Variants in MLYCD observed in about 807,000 individuals in gnomAD.
MLYCD encodes malonyl-CoA decarboxylase, mitochondrial.
A neutral mutation model predicts 35.8 loss-of-function variants in MLYCD; 27 were observed. That is an observed-to-expected ratio of 0.75 (90% CI 0.56 to 1.04). The LOEUF (loss-of-function observed/expected upper bound fraction) is 1.04. Among genes scored for constraint, MLYCD ranks in the 50% least tolerant of loss-of-function variants. The probability of loss-of-function intolerance (pLI) is 0.00; values close to 1 mark genes in which losing one functional copy is unlikely to be tolerated. For synonymous variants in MLYCD, 403 were observed against 302.4 expected, an observed-to-expected ratio of 1.33 and a Z score of -3.45; for missense variants, 917 against 665.1, an observed-to-expected ratio of 1.38 and a Z score of -4.17.
chr16:83,925,976 C>G lies in MLYCD; in HGVS notation c.*10487C>G, dbSNP rs1011551791. 4 of 152,316 alleles carry G rather than the reference C, an allele frequency of 2.6e-5. No individual in the cohort carries two copies. The highest frequency in any genetic ancestry group is 5.9e-5 in the Non-Finnish European group (4 of 68,088). 9.4% of individuals were successfully genotyped at this position (152,316 alleles called of 1,614,324 possible). A position where few individuals can be genotyped will look rare whatever the true frequency, so the allele number is the denominator to read the frequency against. On this transcript the variant is annotated 3_prime_UTR_variant, in exon 5 of 5. Coordinates refer to ENST00000262430, the MANE Select transcript of MLYCD (RefSeq NM_012213.3). ...TAGACGCTCTCTGAGGGCAGGGACC[C>G]TGCTTCGCTTCTGGCCCGAGGTGGC...
chr16:83,912,829 A>C (rs1326868165), intron 4 of MLYCD: 3 of 271,248 alleles, frequency 1.1e-5, no homozygotes, highest in African/African-American at 4.4e-5. Flanking sequence ...GGGCCTTCTC[A>C]TGGCCTGTGA....
Position 83,921,792 on chromosome 16 carries a change from C to G in MLYCD, c.*6303C>G, listed in dbSNP as rs1907663868. On this transcript the variant is annotated 3_prime_UTR_variant, in exon 5 of 5. Transcript: ENST00000262430. ...ACCCATTCTTACACATGTCATCTTT[C>G]CCACAGTGGCAGTGCAGAGGAGACA... is the stretch of plus-strand genomic sequence containing the variant. 1 of 140,464 alleles carries G rather than the reference C, an allele frequency of 7.1e-6. No homozygotes were observed. Among genetic ancestry groups the G allele is most frequent in the African/African-American group, 2.5e-5 (1 of 40,380 alleles). 8.7% of individuals were successfully genotyped at this position (140,464 alleles called of 1,614,324 possible).
In MLYCD at chr16:83,912,470, G is replaced by C. The variant is rs534132819; in HGVS notation, c.948+103G>C. 45 of 1,481,136 alleles carry C rather than the reference G, an allele frequency of 3.0e-5. No individual in the cohort carries two copies. In the African/African-American group the frequency reaches 6.1e-4, roughly 20 times the overall value. The allele number at this position is 1,481,136 out of a possible 1,614,324, so 91.7% of individuals were successfully genotyped here. On this transcript the variant is annotated intron_variant, in intron 4 of 4. Coordinates refer to ENST00000262430, the MANE Select transcript of MLYCD (RefSeq NM_012213.3). Reference sequence around the variant, plus strand: ...GCCATGAGGGACACAGATGAAGACAGGAGCTAAAGGGAGGGGCAGGGGGTA... The same window carrying C: ...GCCATGAGGGACACAGATGAAGACACGAGCTAAAGGGAGGGGCAGGGGGTA...
In MLYCD at chr16:83,926,092, A is replaced by T. The variant is rs937493334; in HGVS notation, c.*10603A>T. ...GGGGCCACGCTGGTTACTTGGGTAC[A>T]CTCCTTGCCCAGGGTTCCACAGCCC... On this transcript the variant is annotated 3_prime_UTR_variant, in exon 5 of 5. Coordinates refer to ENST00000262430, the MANE Select transcript of MLYCD (RefSeq NM_012213.3). The T allele has an allele frequency of 2.0e-5, 3 of 151,780 alleles. No homozygotes were observed. The highest frequency in any genetic ancestry group is 7.3e-5 in the African/African-American group (3 of 41,250). The allele number at this position is 151,780 out of a possible 1,614,324, so 9.4% of individuals were successfully genotyped here.
rs1265303454 is a variant in MLYCD, at chr16:83,918,728, T to C, written c.*3239T>C. ...TGCACAGGAGAAAACGCACACACAG[T>C]GCACAGAACACAGTGCACAGGAGAA... On this transcript the variant is annotated 3_prime_UTR_variant, in exon 5 of 5. Coordinates refer to ENST00000262430, the MANE Select transcript of MLYCD (RefSeq NM_012213.3). The C allele has an allele frequency of 4.6e-5, 6 of 129,446 alleles. No homozygotes were observed. Among genetic ancestry groups the C allele is most frequent in the Non-Finnish European group, 8.0e-5 (5 of 62,600 alleles). 8.0% of individuals were successfully genotyped at this position (129,446 alleles called of 1,614,324 possible).
intron 3 of MLYCD, among the ~76,000 whole-genome samples, chr16:83,910,155 A>C (rs1208814501): frequency 6.6e-6 from 1 of 151,194 alleles, no homozygotes; most frequent in African/African-American, 2.4e-5. Context: ...AAAGGGCAGC[A>C]GCAACAGTCA....
In MLYCD at chr16:83,912,254, G is replaced by C. The variant is rs1567635672; in HGVS notation, c.835G>C (p.Glu279Gln). Residue 279 changes from glutamate to glutamine, a missense_variant, in exon 4 of 5, where the codon GAG becomes CAG. Physicochemically the swap from Glu to Gln is conservative, Grantham distance 29. Coordinates refer to ENST00000262430, the MANE Select transcript of MLYCD (RefSeq NM_012213.3). The stretch of plus-strand genomic sequence containing the variant: ...GGAACATCCTCCATCAGAAACAGAA[G>C]AGAAGAACAAAATCACTGCTGCGAT... ...VKEHPPSETE[E>Q]KNKITAAIFY... 1 of 1,614,220 alleles carries C rather than the reference G, an allele frequency of 6.2e-7. No individual in the cohort carries two copies. Among genetic ancestry groups the C allele is most frequent in the African/African-American group, 1.3e-5 (1 of 75,064 alleles).
intron 1 of MLYCD, among the ~76,000 whole-genome samples, chr16:83,903,443 T>C (rs1906868381): frequency 1.3e-5 from 2 of 152,184 alleles, no homozygotes; most frequent in South Asian, 4.1e-4. Flanking sequence ...TCCCCAAATT[T>C]CTCAGCCTCT....
In MLYCD at chr16:83,899,260, C is replaced by A. The variant is rs1906685625; in HGVS notation, c.116C>A (p.Ala39Asp). The stretch of plus-strand genomic sequence containing the variant: ...CAGGCGGCCGGCGCCCTGGAGCGGG[C>A]CATGGACGAGCTGCTGCGCCGCGCG... ...SGQAAGALER[A>D]MDELLRRAVP... Residue 39 changes from alanine (A) to aspartate (D), a missense_variant, in exon 1 of 5, where the codon GCC becomes GAC. Physicochemically the swap from Ala to Asp is moderately radical, Grantham distance 126. Transcript: ENST00000262430. The A allele has an allele frequency of 6.9e-7, 1 of 1,440,966 alleles. No homozygotes were observed. 89.3% of individuals were successfully genotyped at this position (1,440,966 alleles called of 1,614,324 possible). A position where few individuals can be genotyped will look rare whatever the true frequency, so the allele number is the denominator to read the frequency against.
Position 83,907,082 on chromosome 16 carries a change from G to A in MLYCD, c.624G>A (p.Val208=). The change falls in exon 2 of 5, where the codon GTG becomes GTA. Residue 208 remains valine, a synonymous_variant. Transcript: ENST00000262430. ...ERVTWHSPCE[V]LQKISEAEAV... ...TTACCTGGCATTCACCGTGTGAAGT[G>A]CTTCAGAAAATCAGTGAGTAAGTAT... 6.2e-7 allele frequency: 1 copy of A among 1,613,820 alleles called. No homozygotes were observed. Among genetic ancestry groups the A allele is most frequent in the Middle Eastern group, 1.6e-4 (1 of 6,062 alleles).
At chr16:83,901,274 G>A (rs1367654911) in intron 1 of MLYCD, among the ~76,000 whole-genome samples, 2 of 152,184 alleles carry the variant, frequency 1.3e-5, no homozygotes, top group Non-Finnish European at 2.9e-5. Context: ...TCCACACTTG[G>A]ACATAGTACT....
At chr16:83,907,387 C>G (rs1907017809) in intron 2 of MLYCD, among the ~76,000 whole-genome samples, 2 of 152,218 alleles carry the variant, frequency 1.3e-5, no homozygotes, top group African/African-American at 2.4e-5. Context: ...CCCATTTTCG[C>G]TCGTCCCAAG....
At chr16:83,904,453 G>A (rs774961438) in intron 1 of MLYCD, among the ~76,000 whole-genome samples, 35 of 152,328 alleles carry the variant, frequency 2.3e-4, no homozygotes, top group East Asian at 3.9e-4. Flanking sequence ...AATGCAGAAA[G>A]TACAGTTTTA....
chr16:83,902,736 C>A (rs1161745584), intron 1 of MLYCD, among the ~76,000 whole-genome samples: 1 of 152,120 alleles, frequency 6.6e-6, no homozygotes, highest in Non-Finnish European at 1.5e-5. Context: ...GAACTCCTGA[C>A]CTCAGATGAT....
At chr16:83,904,100 A>G (rs1906893669) in intron 1 of MLYCD, among the ~76,000 whole-genome samples, 1 of 152,104 alleles carries the variant, frequency 6.6e-6, no homozygotes, top group Admixed American at 6.6e-5. Context: ...GAATGAAGAG[A>G]TCTGTAGGGG....
Position 83,915,899 on chromosome 16 carries a change from T to G in MLYCD, c.*410T>G. On this transcript the variant is annotated 3_prime_UTR_variant, in exon 5 of 5. Coordinates refer to ENST00000262430, the MANE Select transcript of MLYCD (RefSeq NM_012213.3). ...GCCCAGATAAGAATAGGTGTTCCTT[T>G]GTGCTCATAAAACAGAATGCGGCGA... 1 of 1,119,866 alleles carries G rather than the reference T, an allele frequency of 8.9e-7. No individual in the cohort carries two copies. The highest frequency in any genetic ancestry group is 1.1e-6 in the Non-Finnish European group (1 of 908,816). 69.4% of individuals were successfully genotyped at this position (1,119,866 alleles called of 1,614,324 possible).
chr16:83,901,238 T>C (rs1258852958), intron 1 of MLYCD, among the ~76,000 whole-genome samples: 2 of 152,220 alleles, frequency 1.3e-5, no homozygotes, highest in Admixed American at 6.5e-5. Context: ...GGCTCAAGCC[T>C]AGTCTGAATA....
Position 83,920,559 on chromosome 16 carries a change from CG to C in MLYCD, c.*5073del, listed in dbSNP as rs1907617521. 6.6e-6 allele frequency: 1 copy of C among 152,284 alleles called. No homozygotes were observed. The highest frequency in any genetic ancestry group is 1.5e-5 in the Non-Finnish European group (1 of 68,098). 9.4% of individuals were successfully genotyped at this position (152,284 alleles called of 1,614,324 possible). Reference sequence around the variant, plus strand: ...TGCCCTCGAATCTGCAAGGTCTCTCCGGGTGGCTGTGTTCTGCCAGGGCCTC... The same window carrying C: ...TGCCCTCGAATCTGCAAGGTCTCTCCGGTGGCTGTGTTCTGCCAGGGCCTC... On this transcript the variant is annotated 3_prime_UTR_variant, in exon 5 of 5. Transcript: ENST00000262430.
At position 83,919,841 on chromosome 16, in the gene MLYCD, A is replaced by G. The variant is rs1050685239; in HGVS notation, c.*4352A>G. 3 of 151,234 alleles carry G rather than the reference A, an allele frequency of 2.0e-5. No individual in the cohort carries two copies. The highest frequency in any genetic ancestry group is 2.0e-4 in the East Asian group (1 of 5,092). The allele number at this position is 151,234 out of a possible 1,614,324, so 9.4% of individuals were successfully genotyped here. A position where few individuals can be genotyped will look rare whatever the true frequency, so the allele number is the denominator to read the frequency against. ...GAGAACACGCAGTGCACAGGAGAAC[A>G]TGCAATGCACGGGAGAACACAGTGC... On this transcript the variant is annotated 3_prime_UTR_variant, in exon 5 of 5. Coordinates refer to ENST00000262430, the MANE Select transcript of MLYCD (RefSeq NM_012213.3).
Sources: allele counts gnomAD v4.1 joint callset (sites outside exome capture counted in the v4.1 genomes callset), GRCh38; gene constraint gnomAD v4.1.1; transcripts MANE v1.5; gene names NCBI Gene and HGNC (gene_info 2026-07-23, HGNC 2026-07-21).